The following TMEM178B variants were observed in gnomAD, a reference collection of about 807,000 sequenced individuals.
The protein encoded by TMEM178B is transmembrane protein 178B.
TMEM178B carries 5 observed loss-of-function variants against 31.0 expected under a neutral mutation model. The ratio of observed to expected loss-of-function variants is 0.16; its 90% confidence interval spans 0.08 to 0.34. The LOEUF is 0.34. Among genes scored for constraint, TMEM178B ranks in the 10% least tolerant of loss-of-function variants. The pLI is 1.00. For synonymous variants in TMEM178B, 164 were observed against 164.0 expected, an observed-to-expected ratio of 1.00 and a Z score of 0.00; for missense variants, 275 against 400.3, an observed-to-expected ratio of 0.69 and a Z score of 2.67.
chr7:141,163,395 C>A (rs538445188), intron 1 of TMEM178B, among the ~76,000 whole-genome samples: 1 of 152,124 alleles, frequency 6.6e-6, no homozygotes, highest in South Asian at 2.1e-4. Context: ...GCAGGGATAA[C>A]GACTCTACTT....
chr7:141,341,186 T>G (rs1799510186), intron 2 of TMEM178B, among the ~76,000 whole-genome samples: 2 of 152,182 alleles, frequency 1.3e-5, no homozygotes, highest in South Asian at 4.1e-4. Flanking sequence ...TGCTTGCCGG[T>G]TGTTGTTTCT....
At chr7:141,176,324 G>C (rs983197576) in intron 1 of TMEM178B, among the ~76,000 whole-genome samples, 1 of 152,176 alleles carries the variant, frequency 6.6e-6, no homozygotes, top group Non-Finnish European at 1.5e-5. Flanking sequence ...GATCATGGTG[G>C]ATAAGCTTTC....
intron 1 of TMEM178B, among the ~76,000 whole-genome samples, chr7:141,084,659 G>A (rs531127212): frequency 1.8e-4 from 27 of 152,174 alleles, no homozygotes; most frequent in African/African-American, 5.5e-4. Flanking sequence ...TCCCTTAAAA[G>A]TTATGAGCCC....
At chr7:141,391,734 G>A (rs919778323) in intron 2 of TMEM178B, among the ~76,000 whole-genome samples, 1 of 151,592 alleles carries the variant, frequency 6.6e-6, no homozygotes, top group Admixed American at 6.6e-5. Flanking sequence ...TACTTTCTGT[G>A]TCTATGAATT....
intron 1 of TMEM178B, among the ~76,000 whole-genome samples, chr7:141,163,109 T>C (rs1161406479): frequency 6.6e-6 from 1 of 152,234 alleles, no homozygotes; most frequent in Non-Finnish European, 1.5e-5. Flanking sequence ...TTCTCTGCTG[T>C]ATGGTTCTGC....
chr7:141,190,677 G>T (rs1349409339), intron 1 of TMEM178B, among the ~76,000 whole-genome samples: 1 of 152,084 alleles, frequency 6.6e-6, no homozygotes, highest in Non-Finnish European at 1.5e-5. Flanking sequence ...CTTGACATAT[G>T]GTTTCTACTG....
At chr7:141,204,226 G>C (rs1276251536) in intron 1 of TMEM178B, among the ~76,000 whole-genome samples, 1 of 152,170 alleles carries the variant, frequency 6.6e-6, no homozygotes, top group East Asian at 1.9e-4. Context: ...AGAAGGTGAG[G>C]TTGAGCCAGT....
chr7:141,292,634 CTTTT>C (rs34248650), intron 2 of TMEM178B, among the ~76,000 whole-genome samples: 1 of 106,134 alleles, frequency 9.4e-6, no homozygotes. Flanking sequence ...GCTTTTAGAT[CTTTT>C]TTTTTTTTTT....
intron 1 of TMEM178B, among the ~76,000 whole-genome samples, chr7:141,131,631 C>T (rs931443785): frequency 6.6e-6 from 1 of 152,256 alleles, no homozygotes; most frequent in African/African-American, 2.4e-5. Context: ...TCACCTTGTT[C>T]TGTTTATTTT....
At chr7:141,192,835 T>G (rs1043666630) in intron 1 of TMEM178B, among the ~76,000 whole-genome samples, 1 of 152,260 alleles carries the variant, frequency 6.6e-6, no homozygotes, top group African/African-American at 2.4e-5. Context: ...TTTGGTGGTT[T>G]CATATCTGCC....
At chr7:141,282,584 G>T (rs765942045) in intron 2 of TMEM178B, among the ~76,000 whole-genome samples, 21 of 152,230 alleles carry the variant, frequency 1.4e-4, no homozygotes, top group Non-Finnish European at 2.5e-4. Context: ...ATTCATTAAT[G>T]ATCACTCCAT....
At chr7:141,176,552 C>T (rs555697173) in intron 1 of TMEM178B, among the ~76,000 whole-genome samples, 12 of 152,250 alleles carry the variant, frequency 7.9e-5, no homozygotes, top group African/African-American at 2.9e-4. Context: ...CCTCTTTGTA[C>T]CTCTGGTAGA....
chr7:141,218,872 C>A (rs6979775), intron 2 of TMEM178B, among the ~76,000 whole-genome samples: 120,371 of 151,974 alleles, frequency 0.79, 47,973 homozygotes, highest in Middle Eastern at 0.88. Context: ...CTCAGCTGGC[C>A]AGTTCTAGCC....
intron 1 of TMEM178B, among the ~76,000 whole-genome samples, chr7:141,151,544 C>T (rs1286138194): frequency 6.6e-6 from 1 of 152,076 alleles, no homozygotes; most frequent in Non-Finnish European, 1.5e-5. Flanking sequence ...AGGATGGGCT[C>T]GGTGGATCCT....
intron 3 of TMEM178B, among the ~76,000 whole-genome samples, chr7:141,446,127 C>G (rs1320457755): frequency 6.6e-6 from 1 of 152,166 alleles, no homozygotes; most frequent in Non-Finnish European, 1.5e-5. Flanking sequence ...TAATGTACCT[C>G]ACGTAGAATG....
intron 2 of TMEM178B, among the ~76,000 whole-genome samples, chr7:141,369,316 C>CGTGTGTGT (rs55960871): frequency 1.2e-4 from 17 of 138,448 alleles, no homozygotes; most frequent in East Asian, 2.1e-4. Flanking sequence ...TCCGCGCCGA[C>CGTGTGTGT]GTGTGTGTGT....
At chr7:141,369,593 C>T (rs1425938622) in intron 2 of TMEM178B, among the ~76,000 whole-genome samples, 1 of 152,084 alleles carries the variant, frequency 6.6e-6, no homozygotes, top group African/African-American at 2.4e-5. Flanking sequence ...GCAAGAATGC[C>T]GAGCAGGGAA....
At chr7:141,425,184 C>T (rs933357467) in intron 2 of TMEM178B, among the ~76,000 whole-genome samples, 2 of 152,234 alleles carry the variant, frequency 1.3e-5, no homozygotes, top group African/African-American at 4.8e-5. Flanking sequence ...CTTCCCCTTT[C>T]CCAGGCTTTT....
intron 3 of TMEM178B, among the ~76,000 whole-genome samples, chr7:141,457,560 A>G (rs138626492): frequency 0.012 from 1,800 of 152,290 alleles, 37 homozygotes; most frequent in African/African-American, 0.041. Flanking sequence ...GTGATGTTTT[A>G]ACCAAAGGAA....
Sources: allele counts gnomAD v4.1 joint callset (sites outside exome capture counted in the v4.1 genomes callset), GRCh38; gene constraint gnomAD v4.1.1; transcripts MANE v1.5; gene names NCBI Gene and HGNC (gene_info 2026-07-23, HGNC 2026-07-21).